ABCB10: variants seen among roughly 807,000 people sequenced by gnomAD.
ABCB10 encodes the protein ATP-binding cassette sub-family B member 10, mitochondrial.
A neutral mutation model predicts 65.4 loss-of-function variants in ABCB10; 54 were observed. The ratio of observed to expected loss-of-function variants is 0.83; its 90% CI spans 0.66 to 1.04. ABCB10 has a LOEUF of 1.04. ABCB10 is among the 50% of genes least tolerant of loss of function. ABCB10 has a pLI of 0.00. For synonymous variants in ABCB10, 418 were observed against 406.5 expected (o/e 1.03, Z -0.34); for missense variants, 846 against 976.6 (o/e 0.87, Z 1.78).
chr1:229,538,650 T>G (rs939548144), intron 6 of ABCB10, among the ~76,000 whole-genome samples: 1 of 152,056 alleles, frequency 6.6e-6, no homozygotes, highest in Non-Finnish European at 1.5e-5. Context: ...TCTCTGAAAA[T>G]CTCATTCCAG....
Position 229,558,458 on chromosome 1 carries a change from C to G in ABCB10, c.195G>C (p.Ala65=). The G allele has an allele frequency of 8.1e-7, 1 of 1,227,160 alleles. No individual in the cohort carries two copies. Among genetic ancestry groups the G allele is most frequent in the Admixed American group, 4.5e-5 (1 of 22,358 alleles). The allele number at this position is 1,227,160 out of a possible 1,614,324, so 76.0% of individuals were successfully genotyped here. ...GPALLWGVGA[A]RRWRSGCRGG... is the part of the protein sequence containing the mutation. ...CCCGGCAGCCGCTCCTCCAGCGGCGCGCGGCTCCAACGCCCCAGAGCAGCG... is the reference window on the plus strand; with the variant it reads ...CCCGGCAGCCGCTCCTCCAGCGGCGGGCGGCTCCAACGCCCCAGAGCAGCG... Residue 65 remains alanine, a synonymous_variant, in exon 1 of 13, where the codon GCG becomes GCC. Coordinates refer to ENST00000344517, the MANE Select transcript of ABCB10 (RefSeq NM_012089.3).
At chr1:229,520,434 C>T (rs561999523) in intron 11 of ABCB10, among the ~76,000 whole-genome samples, 18 of 150,784 alleles carry the variant, frequency 1.2e-4, no homozygotes, top group African/African-American at 4.4e-4. Flanking sequence ...TCGACCACTG[C>T]ACTCCAGCCT....
At position 229,540,876 on chromosome 1, in the gene ABCB10, TAGTA is replaced by T. The variant is rs1194628179; in HGVS notation, c.1057-128_1057-125del. On this transcript the variant is annotated intron_variant, in intron 4 of 12. Coordinates refer to ENST00000344517, the MANE Select transcript of ABCB10 (RefSeq NM_012089.3). ...AGAAAGAAAAGAAAAGAAATAGTGA[TAGTA>T]AGAAGTGAGAACTCCACAAAAGACA... 5.2e-6 allele frequency: 6 copies of T among 1,151,102 alleles called. No homozygotes were observed. In the African/African-American group the frequency reaches 9.4e-5, roughly 18 times the overall value. 71.3% of individuals were successfully genotyped at this position (1,151,102 alleles called of 1,614,324 possible).
chr1:229,553,062 G>T lies in ABCB10; in HGVS notation c.518-3628C>A, dbSNP rs150839499. On this transcript the variant is annotated intron_variant, in intron 1 of 12. Transcript: ENST00000344517. ...AAGCCTCTAGATTATAGAACAGAAG[G>T]ATTTTGTGGCAAGGTCGGCCTAAAA... Among the ~76,000 whole-genome samples the T allele has an allele frequency of 4.1e-3, 627 of 152,170 alleles. 6 individuals carry two copies. The highest frequency in any genetic ancestry group is 0.014 in the African/African-American group (599 of 41,512).
At chr1:229,527,147 T>G in intron 9 of ABCB10, 82 bp downstream of exon 9, 6 of 1,297,438 alleles carry the variant, frequency 4.6e-6, no homozygotes, top group Non-Finnish European at 5.4e-6. Context: ...TCTTGAGAAG[T>G]TCGAGACAAA....
chr1:229,543,130 CA>C (rs35652910), intron 3 of ABCB10, among the ~76,000 whole-genome samples: 17,621 of 62,386 alleles, frequency 0.28, 982 homozygotes, highest in Middle Eastern at 0.38. Context: ...AACTCCATCT[CA>C]AAAAAAAAAA....
At chr1:229,552,998 C>T (rs1009799843) in intron 1 of ABCB10, among the ~76,000 whole-genome samples, 13 of 152,158 alleles carry the variant, frequency 8.5e-5, no homozygotes, top group South Asian at 8.3e-4. Context: ...GGGCAGAGAC[C>T]TCATGGGTGC....
In ABCB10 at chr1:229,518,351, C is replaced by T. The variant is rs201773661; in HGVS notation, c.2045G>A (p.Gly682Glu). The T allele has an allele frequency of 1.9e-4, 304 of 1,614,212 alleles. 2 individuals carry two copies. The Admixed American group carries it at 4.9e-3, about 26-fold the overall frequency. Residue 682 changes from glycine to glutamate, a missense_variant, in exon 13 of 13, where the codon GGA becomes GAA. Gly to Glu is a moderately conservative substitution (Grantham distance 98, BLOSUM62 -2). This residue lies in a region of ABCB10 where 632 missense variants were observed against 803.2 expected (regional missense o/e 0.79). Coordinates refer to ENST00000344517, the MANE Select transcript of ABCB10 (RefSeq NM_012089.3). ...ATGGGCAATAACTAACACCGTTCTT[C>T]CATCCATCAGTCGATCTAGAGCTTC... ...VQEALDRLMDGRTVLVIAHRL... is the reference protein window; with the variant it reads ...VQEALDRLMDERTVLVIAHRL...
At chr1:229,557,731 A>T (rs892105767) in intron 1 of ABCB10, among the ~76,000 whole-genome samples, 1 of 139,884 alleles carries the variant, frequency 7.1e-6, no homozygotes, top group Non-Finnish European at 1.5e-5. Context: ...GTTTTTGGTT[A>T]AAAAAAAAAA....
Position 229,558,163 on chromosome 1 carries a change from C to T in ABCB10, c.490G>A (p.Ala164Thr). 9.1e-6 allele frequency: 13 copies of T among 1,435,024 alleles called. No individual in the cohort carries two copies. Among genetic ancestry groups the T allele is most frequent in the Non-Finnish European group, 1.2e-5 (13 of 1,097,524 alleles). The allele number at this position is 1,435,024 out of a possible 1,614,324, so 88.9% of individuals were successfully genotyped here. ...GCCAGCCTCCGGCGCTCAGGGTACG[C>T]CAGCCCCAGGAGCTTCCGGGCCTCC... ...LPEARKLLGL[A>T]YPERRRLAAA... is the part of the protein sequence containing the mutation. Residue 164 changes from alanine (A) to threonine (T), a missense_variant, in exon 1 of 13, where the codon GCG (alanine) becomes ACG (threonine). Coordinates refer to ENST00000344517, the MANE Select transcript of ABCB10 (RefSeq NM_012089.3).
rs1454087557 is a variant in ABCB10, at chr1:229,542,493, A to G, written c.922-122T>C. 4.1e-6 allele frequency: 5 copies of G among 1,228,746 alleles called. No homozygotes were observed. The Admixed American group carries it at 1.1e-4, about 27-fold the overall frequency. 76.1% of individuals were successfully genotyped at this position (1,228,746 alleles called of 1,614,324 possible). On this transcript the variant is annotated intron_variant, in intron 3 of 12. Coordinates refer to ENST00000344517, the MANE Select transcript of ABCB10 (RefSeq NM_012089.3). ...TGTGTGTGTGTGTGTTTAAATTAACAGCAGGCTTGAAGGTACTGTCCCCAA... is the reference window on the plus strand; with the variant it reads ...TGTGTGTGTGTGTGTTTAAATTAACGGCAGGCTTGAAGGTACTGTCCCCAA...
intron 3 of ABCB10, among the ~76,000 whole-genome samples, chr1:229,544,553 G>C (rs1324981118): frequency 6.6e-6 from 1 of 152,130 alleles, no homozygotes; most frequent in African/African-American, 2.4e-5. Context: ...CCCTATGTCA[G>C]GTCCATGAGT....
Position 229,556,305 on chromosome 1 carries a change from G to A in ABCB10, c.517+1831C>T, listed in dbSNP as rs184402246. Among the ~76,000 whole-genome samples the A allele has an allele frequency of 2.9e-3, 437 of 151,994 alleles. 4 individuals are homozygous for A. The highest frequency in any genetic ancestry group is 3.4e-3 in the Non-Finnish European group (228 of 67,970). On this transcript the variant is annotated intron_variant, in intron 1 of 12. Transcript: ENST00000344517. Reference sequence around the variant, plus strand: ...GAAGATCGCTTGAACCCGGGAGGCGGAGGTTGCGGTGAGGTGAGATCACGC... The same window carrying A: ...GAAGATCGCTTGAACCCGGGAGGCGAAGGTTGCGGTGAGGTGAGATCACGC...
chr1:229,526,502 A>C (rs1000705673), intron 9 of ABCB10, among the ~76,000 whole-genome samples: 1 of 152,208 alleles, frequency 6.6e-6, no homozygotes, highest in African/African-American at 2.4e-5. Flanking sequence ...AGTAGTCCTA[A>C]AAAATAAGCA....
chr1:229,539,610 A>G lies in ABCB10; in HGVS notation c.1204-19T>C. The G allele has an allele frequency of 6.2e-7, 1 of 1,609,316 alleles. No homozygotes were observed. The highest frequency in any genetic ancestry group is 8.5e-7 in the Non-Finnish European group (1 of 1,177,940). On this transcript the variant is annotated intron_variant, in intron 5 of 12. Coordinates refer to ENST00000344517, the MANE Select transcript of ABCB10 (RefSeq NM_012089.3). ...GCCCAGTCTGTCGAATGAAGAAAACACAGAAGTCAGGTGGGAATCAAGGAC... is the reference window on the plus strand; with the variant it reads ...GCCCAGTCTGTCGAATGAAGAAAACGCAGAAGTCAGGTGGGAATCAAGGAC...
chr1:229,529,235 G>A (rs992321766), intron 8 of ABCB10, among the ~76,000 whole-genome samples: 1 of 121,046 alleles, frequency 8.3e-6, no homozygotes, highest in African/African-American at 3.1e-5. Context: ...GGAGCTTGCA[G>A]CAGTGAGCTG....
At chr1:229,553,069 T>C (rs1301044289) in intron 1 of ABCB10, among the ~76,000 whole-genome samples, 1 of 151,564 alleles carries the variant, frequency 6.6e-6, no homozygotes, top group Non-Finnish European at 1.5e-5. Flanking sequence ...AAGGATTTTG[T>C]GGCAAGGTCG....
chr1:229,539,646 A>G lies in ABCB10; in HGVS notation c.1204-55T>C, dbSNP rs905672449. On this transcript the variant is annotated intron_variant, in intron 5 of 12. Transcript: ENST00000344517. ...GTGGGAATCAAGGACCCAGAATGTG[A>G]AAAGCATGAACACGGCCTGTAATGT... The G allele has an allele frequency of 3.1e-6, 5 of 1,587,728 alleles. No individual in the cohort carries two copies. In the Admixed American group the frequency reaches 5.3e-5, roughly 17 times the overall value.
At chr1:229,541,329 C>T (rs967480909) in intron 4 of ABCB10, among the ~76,000 whole-genome samples, 1 of 152,078 alleles carries the variant, frequency 6.6e-6, no homozygotes, top group Non-Finnish European at 1.5e-5. Flanking sequence ...CAGGTTCAAG[C>T]GATTCTCCTG....
Sources: allele counts gnomAD v4.1 joint callset (sites outside exome capture counted in the v4.1 genomes callset), GRCh38; gene constraint gnomAD v4.1.1; regional missense constraint gnomAD v4.1.1; transcripts MANE v1.5; gene names NCBI Gene and HGNC (gene_info 2026-07-23, HGNC 2026-07-21).